The following EEA1 variants were observed in gnomAD, a reference collection of about 807,000 sequenced individuals.
EEA1 encodes the protein early endosome antigen 1, 162kD.
A neutral mutation model predicts 209.2 loss-of-function variants in EEA1; 111 were observed. That is an observed-to-expected ratio of 0.53 (90% CI 0.45 to 0.62). EEA1 has a LOEUF of 0.62. EEA1 is among the 20% of genes least tolerant of loss of function. The pLI, the probability that EEA1 is intolerant of heterozygous loss-of-function variation, is 0.00. For synonymous variants in EEA1, 536 were observed against 540.6 expected, an observed-to-expected ratio of 0.99 and a Z score of 0.12; for missense variants, 1,343 against 1,530.8, an observed-to-expected ratio of 0.88 and a Z score of 2.05.
At chr12:92,895,639 G>A (rs1034849591) in intron 1 of EEA1, among the ~76,000 whole-genome samples, 6 of 151,982 alleles carry the variant, frequency 3.9e-5, no homozygotes, top group African/African-American at 9.7e-5. Flanking sequence ...CATCCATTCC[G>A]CAGCCTATGG....
intron 17 of EEA1, among the ~76,000 whole-genome samples, chr12:92,810,591 A>G (rs7977757): frequency 0.62 from 93,924 of 151,816 alleles, 29,855 homozygotes; most frequent in East Asian, 0.94. Context: ...TTGAGGAAGT[A>G]TAAGTTACAT....
At chr12:92,823,795 A>G (rs1876170208) in intron 13 of EEA1, among the ~76,000 whole-genome samples, 2 of 152,246 alleles carry the variant, frequency 1.3e-5, no homozygotes, top group Admixed American at 1.3e-4. Flanking sequence ...TTTGAGAGAC[A>G]ACCTGTCTGC....
chr12:92,798,514 G>C (rs1470344180), intron 21 of EEA1, among the ~76,000 whole-genome samples: 1 of 151,904 alleles, frequency 6.6e-6, no homozygotes, highest in Non-Finnish European at 1.5e-5. Flanking sequence ...TAGAGACGGG[G>C]TTTCACCATG....
At chr12:92,777,796 A>G in intron 26 of EEA1, 133 bp from the exon 27 acceptor site, 5 of 1,261,194 alleles carry the variant, frequency 4.0e-6, no homozygotes, top group Non-Finnish European at 5.4e-6. Context: ...ATTGTTTTAC[A>G]GGTTAATTTT....
chr12:92,880,727 G>A (rs1309072740), intron 2 of EEA1, among the ~76,000 whole-genome samples: 3 of 151,988 alleles, frequency 2.0e-5, no homozygotes, highest in African/African-American at 4.8e-5. Context: ...AGCCCGCCTC[G>A]GCCTCCCAAA....
At chr12:92,921,214 A>G (rs1880977402) in intron 1 of EEA1, among the ~76,000 whole-genome samples, 1 of 144,316 alleles carries the variant, frequency 6.9e-6, no homozygotes, top group South Asian at 2.3e-4. Context: ...ATCTAGAACT[A>G]GAAATACCAT....
At chr12:92,846,495 T>C (rs754571153) in intron 9 of EEA1, among the ~76,000 whole-genome samples, 2 of 152,186 alleles carry the variant, frequency 1.3e-5, no homozygotes, top group Non-Finnish European at 2.9e-5. Context: ...TTTTAGCACT[T>C]AAAACTGGGA....
chr12:92,812,964 G>T lies in EEA1; in HGVS notation c.2043+16C>A. The T allele has an allele frequency of 1.3e-6, 2 of 1,522,408 alleles. No homozygotes were observed. The highest frequency in any genetic ancestry group is 1.8e-6 in the Non-Finnish European group (2 of 1,113,408). 94.3% of individuals were successfully genotyped at this position (1,522,408 alleles called of 1,614,324 possible). A position where few individuals can be genotyped will look rare whatever the true frequency, so the allele number is the denominator to read the frequency against. ...AAGCACTAGGTGATAGTATGAAATT[G>T]CATCTGTTTCCCTACCTGCTGTTTA... On this transcript the variant is annotated intron_variant, in intron 16 of 28. Transcript: ENST00000322349.
In EEA1 at chr12:92,888,594, A is replaced by C. The variant is rs745423337; in HGVS notation, c.117+3035T>G. Among the ~76,000 whole-genome samples the C allele has an allele frequency of 1.9e-3, 275 of 145,268 alleles. 2 individuals are homozygous for C. Among genetic ancestry groups the C allele is most frequent in the Non-Finnish European group, 1.8e-3 (124 of 67,318 alleles). ...TCCATCTAAAAAAACAAACAAACAA[A>C]CAAAAAAAAAAACCCAAGAAAACAA... is the stretch of plus-strand genomic sequence containing the variant. On this transcript the variant is annotated intron_variant, in intron 2 of 28. Transcript: ENST00000322349.
In EEA1 at chr12:92,816,531, T is replaced by G. The variant is rs1875793230; in HGVS notation, c.1729-131A>C. ...TATCTCAAAATTTTTCAAGTAAAAT[T>G]ATTCACTTGCCAAAATATGTCAACA... On this transcript the variant is annotated intron_variant, in intron 14 of 28. Transcript: ENST00000322349. 5 of 726,678 alleles carry G rather than the reference T, an allele frequency of 6.9e-6. No homozygotes were observed. In the Admixed American group the frequency reaches 1.5e-4, roughly 22 times the overall value. 45.0% of individuals were successfully genotyped at this position (726,678 alleles called of 1,614,324 possible). A position where few individuals can be genotyped will look rare whatever the true frequency, so the allele number is the denominator to read the frequency against.
chr12:92,774,830 AT>A lies in EEA1; in HGVS notation c.*1180del. ...GACATGGAACACCAAATTCAGAACC[AT>A]TTTAACTTTAAGTCAATTTTACAAC... On this transcript the variant is annotated 3_prime_UTR_variant, in exon 29 of 29. Coordinates refer to ENST00000322349, the MANE Select transcript of EEA1 (RefSeq NM_003566.4). The A allele has an allele frequency of 6.6e-6, 1 of 151,726 alleles. No individual in the cohort carries two copies. Among genetic ancestry groups the A allele is most frequent in the East Asian group, 1.9e-4 (1 of 5,206 alleles). 9.4% of individuals were successfully genotyped at this position (151,726 alleles called of 1,614,324 possible).
chr12:92,814,923 G>A (rs1875705755), intron 15 of EEA1, among the ~76,000 whole-genome samples: 1 of 152,134 alleles, frequency 6.6e-6, no homozygotes, highest in Non-Finnish European at 1.5e-5. Flanking sequence ...TACCTTAACA[G>A]TTAAGCTACA....
chr12:92,842,655 A>C (rs1877220390), intron 9 of EEA1, 74 bp from the exon 10 acceptor site: 1 of 929,502 alleles, frequency 1.1e-6, no homozygotes, highest in Non-Finnish European at 1.6e-6. Flanking sequence ...AAAGTATATA[A>C]AGGTTTTAAG....
chr12:92,854,063 G>T, intron 5 of EEA1, 109 bp from the exon 6 acceptor site: 1 of 827,246 alleles, frequency 1.2e-6, no homozygotes, highest in Non-Finnish European at 1.8e-6. Flanking sequence ...CAGGTAAGTA[G>T]TAAGATTTTG....
chr12:92,894,700 T>A (rs1018916418), intron 1 of EEA1, among the ~76,000 whole-genome samples: 6 of 152,192 alleles, frequency 3.9e-5, no homozygotes, highest in African/African-American at 1.4e-4. Context: ...GGTTGGTTCA[T>A]GGGATTTAAG....
intron 2 of EEA1, among the ~76,000 whole-genome samples, chr12:92,877,052 T>G (rs1230824627): frequency 1.3e-5 from 2 of 150,388 alleles, no homozygotes; most frequent in Non-Finnish European, 3.0e-5. Context: ...CAAGAAATTC[T>G]CGTGCCTCAG....
chr12:92,881,800 T>C (rs575430275), intron 2 of EEA1, among the ~76,000 whole-genome samples: 3 of 152,226 alleles, frequency 2.0e-5, no homozygotes, highest in Non-Finnish European at 4.4e-5. Flanking sequence ...AATGAAATGA[T>C]ATAAAATATC....
intron 1 of EEA1, among the ~76,000 whole-genome samples, chr12:92,915,381 C>T (rs2243969): frequency 0.93 from 141,711 of 152,270 alleles, 65,993 homozygotes; most frequent in East Asian, 1. Context: ...GCCAGGAGGA[C>T]TGCTTAAGCC....
At chr12:92,784,307 G>A (rs1158766493) in intron 22 of EEA1, among the ~76,000 whole-genome samples, 9 of 152,308 alleles carry the variant, frequency 5.9e-5, no homozygotes, top group Non-Finnish European at 7.3e-5. Flanking sequence ...AGTGTGAGAT[G>A]CTGTGGAGTG....
Sources: allele counts gnomAD v4.1 joint callset (sites outside exome capture counted in the v4.1 genomes callset), GRCh38; gene constraint gnomAD v4.1.1; transcripts MANE v1.5; gene names NCBI Gene and HGNC (gene_info 2026-07-23, HGNC 2026-07-21).